The following DNAJC1 variants were observed in gnomAD, a reference collection of about 807,000 sequenced individuals.
DNAJC1 encodes dnaJ homolog subfamily C member 1.
DNAJC1 carries 58 observed loss-of-function variants against 76.6 expected under a neutral mutation model. The observed-to-expected ratio is 0.76, with a 90% CI of 0.61 to 0.94. The LOEUF is 0.94. DNAJC1 is among the 40% of genes least tolerant of loss of function. DNAJC1 has a pLI of 0.00. For synonymous variants in DNAJC1, 258 were observed against 267.9 expected, an observed-to-expected ratio of 0.96 and a Z score of 0.36; for missense variants, 689 against 677.3, an observed-to-expected ratio of 1.02 and a Z score of -0.19.
intron 9 of DNAJC1, among the ~76,000 whole-genome samples, chr10:21,768,282 T>C (rs1834325320): frequency 6.6e-6 from 1 of 152,228 alleles, no homozygotes; most frequent in Non-Finnish European, 1.5e-5. Context: ...ATCCCATTAA[T>C]CCATGTATAT....
In DNAJC1 at chr10:21,993,238, C is replaced by G. The variant is rs192875307; in HGVS notation, c.222+9975G>C. Among the ~76,000 whole-genome samples, 279 of 152,256 alleles carry G rather than the reference C, an allele frequency of 1.8e-3. 2 individuals are homozygous for G. Among genetic ancestry groups the G allele is most frequent in the Middle Eastern group, 0.01 (3 of 294 alleles). On this transcript the variant is annotated intron_variant, in intron 1 of 11. Coordinates refer to ENST00000376980, the MANE Select transcript of DNAJC1 (RefSeq NM_022365.4). ...ATAAGTATATAAATGCATACGCACACACACCTGCACCCTCTCGCTCATAAA... is the reference window on the plus strand; with the variant it reads ...ATAAGTATATAAATGCATACGCACAGACACCTGCACCCTCTCGCTCATAAA...
At position 21,994,970 on chromosome 10, in the gene DNAJC1, G is replaced by A. The variant is rs371293699; in HGVS notation, c.222+8243C>T. 8.8e-5 allele frequency among the ~76,000 whole-genome samples: 13 copies of A among 148,174 alleles called. No homozygotes were observed. In the East Asian group the frequency reaches 2.3e-3, roughly 27 times the overall value. The stretch of plus-strand genomic sequence containing the variant: ...TATATATTTATACATGTTAACTTCC[G>A]CAAATCAAACTTAATCACCAACTAT... On this transcript the variant is annotated intron_variant, in intron 1 of 11. Coordinates refer to ENST00000376980, the MANE Select transcript of DNAJC1 (RefSeq NM_022365.4).
At chr10:21,953,867 CTA>C (rs1237619474) in intron 1 of DNAJC1, among the ~76,000 whole-genome samples, 1 of 128,140 alleles carries the variant, frequency 7.8e-6, no homozygotes, top group Non-Finnish European at 1.7e-5. Context: ...AAAAAACCAA[CTA>C]TGTATTCTTC....
At chr10:21,923,516 T>C (rs1183533572) in intron 3 of DNAJC1, among the ~76,000 whole-genome samples, 1 of 151,944 alleles carries the variant, frequency 6.6e-6, no homozygotes, top group Non-Finnish European at 1.5e-5. Flanking sequence ...ATACAAACTG[T>C]TCTCAACTAT....
At chr10:21,946,143 C>T (rs919978227) in intron 1 of DNAJC1, among the ~76,000 whole-genome samples, 2 of 138,266 alleles carry the variant, frequency 1.4e-5, no homozygotes, top group African/African-American at 5.6e-5. Flanking sequence ...CTGGTTCAAG[C>T]GATTCTCCTT....
intron 1 of DNAJC1, among the ~76,000 whole-genome samples, chr10:21,953,052 G>A (rs992447435): frequency 1.3e-5 from 2 of 152,004 alleles, no homozygotes; most frequent in Non-Finnish European, 2.9e-5. Context: ...TCAATATATA[G>A]TGATAACAGA....
chr10:21,994,933 A>G (rs1425122418), intron 1 of DNAJC1, among the ~76,000 whole-genome samples: 4 of 148,160 alleles, frequency 2.7e-5, no homozygotes, highest in Non-Finnish European at 6.0e-5. Context: ...ATACTTATAT[A>G]TTAATATATT....
At chr10:21,892,318 T>C (rs529832866) in intron 7 of DNAJC1, among the ~76,000 whole-genome samples, 8 of 151,640 alleles carry the variant, frequency 5.3e-5, no homozygotes, top group Admixed American at 4.6e-4. Context: ...AATCACTATA[T>C]TAAATGTAAA....
In DNAJC1 at chr10:21,799,009, GAGA is replaced by G. The variant is rs920569092; in HGVS notation, c.1098+6968_1098+6970del. ...GTGCCTGACCAACAATCTACTGCTA[GAGA>G]AGAAGGAGAGAACTTACTTTGGTGA... On this transcript the variant is annotated intron_variant, in intron 9 of 11. Coordinates refer to ENST00000376980, the MANE Select transcript of DNAJC1 (RefSeq NM_022365.4). 5.2e-4 allele frequency among the ~76,000 whole-genome samples: 79 copies of G among 152,360 alleles called. 1 individual carries two copies. The highest frequency in any genetic ancestry group is 1.9e-3 in the African/African-American group (77 of 41,592).
At chr10:21,974,880 T>C (rs879543001) in intron 1 of DNAJC1, among the ~76,000 whole-genome samples, 6 of 152,142 alleles carry the variant, frequency 3.9e-5, no homozygotes, top group Admixed American at 6.5e-5. Context: ...ATATGTATAC[T>C]TCTTATGTAA....
At chr10:21,953,427 T>C (rs925676844) in intron 1 of DNAJC1, among the ~76,000 whole-genome samples, 18 of 152,012 alleles carry the variant, frequency 1.2e-4, no homozygotes, top group African/African-American at 4.3e-4. Context: ...AAATGTAAGA[T>C]ACTTAAATAG....
chr10:21,955,393 G>A (rs1249174769), intron 1 of DNAJC1, among the ~76,000 whole-genome samples: 2 of 152,102 alleles, frequency 1.3e-5, no homozygotes, highest in African/African-American at 4.8e-5. Context: ...GGAAATAATG[G>A]AGATACAGTG....
intron 1 of DNAJC1, among the ~76,000 whole-genome samples, chr10:21,986,186 A>G (rs893200136): frequency 6.6e-6 from 1 of 152,152 alleles, no homozygotes; most frequent in Non-Finnish European, 1.5e-5. Context: ...ACTGCACTCC[A>G]GCCTGGGTGA....
chr10:21,873,131 C>A (rs1836130450), intron 8 of DNAJC1, among the ~76,000 whole-genome samples: 1 of 152,100 alleles, frequency 6.6e-6, no homozygotes, highest in South Asian at 2.1e-4. Flanking sequence ...TAGATCACGA[C>A]CCTCTCACGT....
At chr10:21,918,910 T>C (rs374226687) in intron 5 of DNAJC1, 38 bp from the exon 6 acceptor site, 12 of 1,428,488 alleles carry the variant, frequency 8.4e-6, no homozygotes, top group Admixed American at 1.7e-5. Context: ...ATACAACATA[T>C]GAGGAATATA....
chr10:21,944,992 C>G (rs1404659783), intron 1 of DNAJC1, among the ~76,000 whole-genome samples: 1 of 152,170 alleles, frequency 6.6e-6, no homozygotes, highest in African/African-American at 2.4e-5. Context: ...TCAAGTGGAA[C>G]TGCCAGTTAA....
intron 1 of DNAJC1, among the ~76,000 whole-genome samples, chr10:21,971,420 T>C (rs1188883948): frequency 2.6e-5 from 4 of 151,872 alleles, no homozygotes; most frequent in Non-Finnish European, 5.9e-5. Flanking sequence ...CTCTTTGTTA[T>C]GTATTTATAA....
At chr10:21,885,162 AT>A (rs1836349786) in intron 7 of DNAJC1, among the ~76,000 whole-genome samples, 1 of 152,152 alleles carries the variant, frequency 6.6e-6, no homozygotes, top group Non-Finnish European at 1.5e-5. Context: ...AAATAAAGAA[AT>A]GAAGGGAAAA....
intron 8 of DNAJC1, among the ~76,000 whole-genome samples, chr10:21,824,482 G>T (rs764594814): frequency 6.6e-6 from 1 of 152,172 alleles, no homozygotes; most frequent in Non-Finnish European, 1.5e-5. Flanking sequence ...TTGAGTACAC[G>T]AAGTAAGGCT....
Sources: allele counts gnomAD v4.1 joint callset (sites outside exome capture counted in the v4.1 genomes callset), GRCh38; gene constraint gnomAD v4.1.1; transcripts MANE v1.5; gene names NCBI Gene and HGNC (gene_info 2026-07-23, HGNC 2026-07-21).